CST1: variants seen among roughly 807,000 people sequenced by gnomAD.
CST1 encodes the protein cystatin-SN.
A neutral mutation model predicts 10.7 loss-of-function variants in CST1; 19 were observed. The ratio of observed to expected loss-of-function variants is 1.78; its 90% CI spans 1.24 to 2.61. The LOEUF (loss-of-function observed/expected upper bound fraction) is 2.61, where lower values mean the gene tolerates loss of function less well. Ranked by LOEUF, CST1 falls within the 30% of genes most tolerant of loss-of-function variation. The probability of loss-of-function intolerance (pLI) is 0.00; values close to 1 mark genes in which losing one functional copy is unlikely to be tolerated. For synonymous variants in CST1, 95 were observed against 72.8 expected, an observed-to-expected ratio of 1.31 and a Z score of -1.55; for missense variants, 247 against 178.1, an observed-to-expected ratio of 1.39 and a Z score of -2.20.
Position 23,750,850 on chromosome 20 carries a change from C to T in CST1, c.17G>A (p.Ser6Asn). Residue 6 changes from serine (S) to asparagine (N), a missense_variant, in exon 1 of 3, where the codon AGT (serine) becomes AAT (asparagine). Physicochemically the swap from Ser to Asn is conservative, Grantham distance 46. Transcript: ENST00000304749. MAQYL[S>N]TLLLLLATLA... ...GGTGGCCAGCAGGAGCAGCAGGGTA[C>T]TCAGATACTGGGCCATGGTCTCCTC... The T allele has an allele frequency of 6.2e-7, 1 of 1,612,284 alleles. No homozygotes were observed. The highest frequency in any genetic ancestry group is 8.5e-7 in the Non-Finnish European group (1 of 1,179,132).
chr20:23,749,899 G>A (rs1982782231), intron 1 of CST1, among the ~76,000 whole-genome samples: 2 of 150,118 alleles, frequency 1.3e-5, no homozygotes, highest in Middle Eastern at 3.4e-3. Context: ...GCTGACAGCT[G>A]CAAGAGGAGA....
intron 2 of CST1, among the ~76,000 whole-genome samples, chr20:23,748,597 T>C (rs1034789340): frequency 1.3e-5 from 2 of 152,068 alleles, no homozygotes; most frequent in African/African-American, 4.8e-5. Flanking sequence ...AGAATTGACC[T>C]TATAGTAACC....
chr20:23,749,734 G>A (rs769265165), intron 1 of CST1, among the ~76,000 whole-genome samples: 6 of 151,834 alleles, frequency 4.0e-5, no homozygotes, highest in Non-Finnish European at 5.9e-5. Flanking sequence ...TCCCTCGAGT[G>A]TCAGTTTACC....
chr20:23,747,992 A>T, intron 2 of CST1, 93 bp from the exon 3 acceptor site: 1 of 1,285,494 alleles, frequency 7.8e-7, no homozygotes, highest in Non-Finnish European at 1.1e-6. Flanking sequence ...GGTGAGGAGG[A>T]TGGAGGTGAG....
rs751198098 is a variant in CST1 at position 23,749,001 on chromosome 20, G to C, written c.342+15C>G. 1.9e-6 allele frequency: 3 copies of C among 1,614,092 alleles called. No homozygotes were observed. In the South Asian group the frequency reaches 3.3e-5, roughly 18 times the overall value. ...GCAGTGCATGACTGGCCCGGGACCT[G>C]CATCAGGAACGTACCTTCTGCAGTT... is the stretch of plus-strand genomic sequence containing the variant. On this transcript the variant is annotated intron_variant, in intron 2 of 2. Coordinates refer to ENST00000304749, the MANE Select transcript of CST1 (RefSeq NM_001898.3).
At position 23,750,627 on chromosome 20, in the gene CST1, G is replaced by A. The variant is rs1260860665; in HGVS notation, c.228+12C>T. 6.2e-7 allele frequency: 1 copy of A among 1,613,148 alleles called. No homozygotes were observed. The highest frequency in any genetic ancestry group is 8.5e-7 in the Non-Finnish European group (1 of 1,179,606). ...TGGGACCCAGGACCCCTGGGGTGGAGGGAGCACCTACCTGTTGCCTGGCTC... is the reference window on the plus strand; with the variant it reads ...TGGGACCCAGGACCCCTGGGGTGGAAGGAGCACCTACCTGTTGCCTGGCTC... On this transcript the variant is annotated intron_variant, in intron 1 of 2. Coordinates refer to ENST00000304749, the MANE Select transcript of CST1 (RefSeq NM_001898.3).
Position 23,750,702 on chromosome 20 carries a change from A to G in CST1, c.165T>C (p.Tyr55=), listed in dbSNP as rs3188296. 1.8e-5 allele frequency: 29 copies of G among 1,614,008 alleles called. No individual in the cohort carries two copies. The highest frequency in any genetic ancestry group is 1.6e-4 in the Middle Eastern group (1 of 6,064). The change falls in exon 1 of 3, where the codon TAT becomes TAC. Residue 55 remains tyrosine (Y), a synonymous_variant. Transcript: ENST00000304749. ...AGTAGTCATCTTTGGTGGCCTTGTT[A>G]TACTCGCTGATGGCGAAGTGAAGGG... The part of the protein sequence containing the change: ...QRALHFAISE[Y]NKATKDDYYR...
In CST1 at chr20:23,747,564, C is replaced by G. The variant is rs185589059; in HGVS notation, c.*252G>C. The G allele has an allele frequency of 3.7e-6, 2 of 544,182 alleles. No homozygotes were observed. The highest frequency in any genetic ancestry group is 6.6e-6 in the Non-Finnish European group (2 of 304,434). The allele number at this position is 544,182 out of a possible 1,614,324, so 33.7% of individuals were successfully genotyped here. A position where few individuals can be genotyped will look rare whatever the true frequency, so the allele number is the denominator to read the frequency against. On this transcript the variant is annotated 3_prime_UTR_variant, in exon 3 of 3. Transcript: ENST00000304749. ...AGACAGCCAAGAACTCAGAGGGAGG[C>G]GATGCTACTGTTTAATTGCAGGAGG...
intron 2 of CST1, among the ~76,000 whole-genome samples, chr20:23,748,202 G>A (rs1600405583): frequency 6.6e-6 from 1 of 152,244 alleles, no homozygotes; most frequent in East Asian, 1.9e-4. Context: ...TGCAGGGCAT[G>A]GGGAGGCAGC....
At position 23,750,707 on chromosome 20, in the gene CST1, C is replaced by G; in HGVS notation, c.160G>C (p.Glu54Gln). Reference protein sequence around the residue: ...VQRALHFAISEYNKATKDDYY... With the variant: ...VQRALHFAISQYNKATKDDYY... The stretch of plus-strand genomic sequence containing the variant: ...TCATCTTTGGTGGCCTTGTTATACT[C>G]GCTGATGGCGAAGTGAAGGGCACGC... The change falls in exon 1 of 3, where the codon GAG (glutamate) becomes CAG (glutamine). Residue 54 changes from glutamate to glutamine, a missense_variant. Coordinates refer to ENST00000304749, the MANE Select transcript of CST1 (RefSeq NM_001898.3). 6.2e-7 allele frequency: 1 copy of G among 1,614,128 alleles called. No homozygotes were observed. Among genetic ancestry groups the G allele is most frequent in the Non-Finnish European group, 8.5e-7 (1 of 1,180,020 alleles).
rs546397264 is a variant in CST1, at chr20:23,748,942, T to G, written c.342+74A>C. The G allele has an allele frequency of 2.0e-4, 301 of 1,532,692 alleles. No individual in the cohort carries two copies. The East Asian group carries it at 2.5e-3, about 13-fold the overall frequency. 94.9% of individuals were successfully genotyped at this position (1,532,692 alleles called of 1,614,324 possible). On this transcript the variant is annotated intron_variant, in intron 2 of 2. Coordinates refer to ENST00000304749, the MANE Select transcript of CST1 (RefSeq NM_001898.3). Reference sequence around the variant, plus strand: ...TGCACACACACACCCTCCAAACATGTGTAGGGCAGAGGCTGACACATACGC... The same window carrying G: ...TGCACACACACACCCTCCAAACATGGGTAGGGCAGAGGCTGACACATACGC...
At position 23,749,103 on chromosome 20, in the gene CST1, G is replaced by A. The variant is rs769607319; in HGVS notation, c.255C>T (p.Phe85=). 21 of 1,613,962 alleles carry A rather than the reference G, an allele frequency of 1.3e-5. No individual in the cohort carries two copies. In the Middle Eastern group the frequency reaches 6.6e-4, roughly 51 times the overall value. The stretch of plus-strand genomic sequence containing the variant: ...ATATGGTGCGGCCCACCTCTACGTC[G>A]AAGAAGTAATTCACCCCCCCAACGG... ...QQTVGGVNYF[F]DVEVGRTICT... is the part of the protein sequence containing the mutation. Residue 85 remains phenylalanine (F), a synonymous_variant, in exon 2 of 3, where the codon TTC becomes TTT. Transcript: ENST00000304749.
rs1467127234 is a variant in CST1, at chr20:23,749,073, G to T, written c.285C>A (p.Thr95=). ...AGGTGTCCAAGTTGGGCTGGGACTT[G>T]GTACATATGGTGCGGCCCACCTCTA... ...FDVEVGRTIC[T]KSQPNLDTCA... Residue 95 remains threonine (T), a synonymous_variant, in exon 2 of 3, where the codon ACC becomes ACA. Transcript: ENST00000304749. 1 of 1,614,022 alleles carries T rather than the reference G, an allele frequency of 6.2e-7. No individual in the cohort carries two copies. Among genetic ancestry groups the T allele is most frequent in the Admixed American group, 1.7e-5 (1 of 59,990 alleles).
chr20:23,748,416 G>A (rs1396946707), intron 2 of CST1, among the ~76,000 whole-genome samples: 1 of 152,108 alleles, frequency 6.6e-6, no homozygotes, highest in African/African-American at 2.4e-5. Context: ...GAGCCGGGCA[G>A]GTCCAGGGCT....
Position 23,750,669 on chromosome 20 carries a change from A to G in CST1, c.198T>C (p.Arg66=), listed in dbSNP as rs3188303. 23 of 1,613,780 alleles carry G rather than the reference A, an allele frequency of 1.4e-5. No individual in the cohort carries two copies. In the East Asian group the frequency reaches 1.6e-4, roughly 11 times the overall value. The stretch of plus-strand genomic sequence containing the variant: ...GCCTGGCTCTTAGTACCCGCAGCGG[A>G]CGTCTGTAGTAGTCATCTTTGGTGG... ...NKATKDDYYR[R]PLRVLRARQQ... is the part of the protein sequence containing the mutation. Residue 66 remains arginine (R), a synonymous_variant, in exon 1 of 3, where the codon CGT becomes CGC. Coordinates refer to ENST00000304749, the MANE Select transcript of CST1 (RefSeq NM_001898.3).
chr20:23,750,825 G>A lies in CST1; in HGVS notation c.42C>T (p.Thr14=), dbSNP rs768554764. The A allele has an allele frequency of 6.8e-6, 11 of 1,613,782 alleles. No individual in the cohort carries two copies. The highest frequency in any genetic ancestry group is 1.3e-5 in the African/African-American group (1 of 74,910). ...GGCTCCAGGCCAGGGCCACAGCTAG[G>A]GTGGCCAGCAGGAGCAGCAGGGTAC... The part of the protein sequence containing the change: ...YLSTLLLLLA[T]LAVALAWSPK... Residue 14 remains threonine, a synonymous_variant, in exon 1 of 3, where the codon ACC becomes ACT. Transcript: ENST00000304749.
intron 1 of CST1, among the ~76,000 whole-genome samples, chr20:23,750,389 C>G (rs1436319098): frequency 6.6e-6 from 1 of 152,184 alleles, no homozygotes. Context: ...TCCACACCTG[C>G]TGGACCCTGG....
At chr20:23,747,949 G>A in intron 2 of CST1, 50 bp from the exon 3 acceptor site, 5 of 1,556,256 alleles carry the variant, frequency 3.2e-6, no homozygotes, top group Non-Finnish European at 3.5e-6. Flanking sequence ...CAGTTAAAGG[G>A]GAAGATGCCC....
At chr20:23,747,958 C>T (rs1982711691) in intron 2 of CST1, 59 bp from the exon 3 acceptor site, 7 of 1,526,920 alleles carry the variant, frequency 4.6e-6, no homozygotes, top group Non-Finnish European at 4.5e-6. Context: ...GGGAAGATGC[C>T]CAGGCATGAG....
Sources: allele counts gnomAD v4.1 joint callset (sites outside exome capture counted in the v4.1 genomes callset), GRCh38; gene constraint gnomAD v4.1.1; transcripts MANE v1.5; gene names NCBI Gene and HGNC (gene_info 2026-07-23, HGNC 2026-07-21).